The following ASIC2 variants were observed in gnomAD, a reference collection of about 807,000 sequenced individuals.
The protein encoded by ASIC2 is acid-sensing ion channel 2.
In ASIC2, 25 loss-of-function variants were observed where a neutral mutation model predicts 57.3. The observed-to-expected ratio is 0.44, with a 90% confidence interval of 0.32 to 0.61. ASIC2 has a LOEUF of 0.61. Among genes scored for constraint, ASIC2 ranks in the 20% least tolerant of loss-of-function variants. The pLI is 0.06. For synonymous variants in ASIC2, 319 were observed against 307.5 expected, an observed-to-expected ratio of 1.04 and a Z score of -0.39; for missense variants, 641 against 738.1, an observed-to-expected ratio of 0.87 and a Z score of 1.52.
intron 1 of ASIC2, among the ~76,000 whole-genome samples, chr17:33,689,444 A>G (rs1423590942): frequency 6.6e-6 from 1 of 152,146 alleles, no homozygotes; most frequent in Non-Finnish European, 1.5e-5. Flanking sequence ...CACCACCTCC[A>G]GTGGTGTCAA....
At chr17:33,067,138 T>A (rs530001667) in intron 3 of ASIC2, among the ~76,000 whole-genome samples, 1 of 124,340 alleles carries the variant, frequency 8.0e-6, no homozygotes, top group African/African-American at 2.6e-5. Context: ...CAAAATAGAG[T>A]TCTTGCAGAT....
intron 1 of ASIC2, among the ~76,000 whole-genome samples, chr17:33,557,687 T>TA (rs1352181665): frequency 6.6e-6 from 1 of 152,224 alleles, no homozygotes; most frequent in Non-Finnish European, 1.5e-5. Context: ...CGTCTGACTA[T>TA]ATGATAACAC....
intron 1 of ASIC2, among the ~76,000 whole-genome samples, chr17:33,827,110 A>G (rs1912945053): frequency 1.3e-5 from 2 of 152,142 alleles, no homozygotes; most frequent in African/African-American, 4.8e-5. Context: ...TACAGCCTTG[A>G]GAAGCTTACA....
chr17:33,320,804 C>T (rs1906839282), intron 1 of ASIC2, among the ~76,000 whole-genome samples: 1 of 152,188 alleles, frequency 6.6e-6, no homozygotes, highest in Non-Finnish European at 1.5e-5. Flanking sequence ...CCTATCCTGT[C>T]ACCCCAGGGA....
intron 1 of ASIC2, among the ~76,000 whole-genome samples, chr17:33,215,788 C>T (rs1458410428): frequency 6.6e-6 from 1 of 151,962 alleles, no homozygotes; most frequent in African/African-American, 2.4e-5. Context: ...CAGGCTCCGC[C>T]CCCCGGGTTC....
chr17:33,369,110 C>T (rs114096838), intron 1 of ASIC2, among the ~76,000 whole-genome samples: 27 of 152,174 alleles, frequency 1.8e-4, no homozygotes, highest in African/African-American at 5.8e-4. Flanking sequence ...CAAAAAGATC[C>T]CAGAAAACTA....
chr17:33,436,897 G>C (rs1911640103), intron 1 of ASIC2, among the ~76,000 whole-genome samples: 3 of 111,738 alleles, frequency 2.7e-5, no homozygotes. Flanking sequence ...ACGGAGTCTC[G>C]CTCTGTCGCC....
intron 1 of ASIC2, among the ~76,000 whole-genome samples, chr17:33,757,153 G>A (rs1196772259): frequency 6.6e-6 from 1 of 152,146 alleles, no homozygotes; most frequent in Non-Finnish European, 1.5e-5. Flanking sequence ...AATCCTTCCT[G>A]CCCTTCTCTT....
intron 1 of ASIC2, among the ~76,000 whole-genome samples, chr17:33,481,955 C>T (rs1021316139): frequency 6.6e-6 from 1 of 152,222 alleles, no homozygotes; most frequent in African/African-American, 2.4e-5. Context: ...CCGATAGCAC[C>T]TGTCCTCTTA....
At chr17:33,412,775 C>G (rs1040476304) in intron 1 of ASIC2, among the ~76,000 whole-genome samples, 1 of 152,066 alleles carries the variant, frequency 6.6e-6, no homozygotes. Flanking sequence ...CGTTGGTGCC[C>G]TATGATAGGT....
chr17:33,102,974 A>G (rs12453934), intron 2 of ASIC2, among the ~76,000 whole-genome samples: 22,733 of 152,032 alleles, frequency 0.15, 2,032 homozygotes, highest in African/African-American at 0.25. Context: ...CAGTAGAGAC[A>G]GGGTTTCACC....
intron 1 of ASIC2, among the ~76,000 whole-genome samples, chr17:33,770,635 T>C (rs1279516822): frequency 2.0e-5 from 3 of 152,180 alleles, no homozygotes; most frequent in Non-Finnish European, 4.4e-5. Context: ...GCCAGCTGCC[T>C]CTTGAACAGG....
chr17:33,168,097 T>C (rs951966803), intron 1 of ASIC2, among the ~76,000 whole-genome samples: 1 of 152,250 alleles, frequency 6.6e-6, no homozygotes, highest in Non-Finnish European at 1.5e-5. Flanking sequence ...TCTTTCTCTG[T>C]CTCACATGCC....
intron 1 of ASIC2, among the ~76,000 whole-genome samples, chr17:33,722,594 C>T (rs1329532631): frequency 6.9e-6 from 1 of 145,104 alleles, no homozygotes; most frequent in Non-Finnish European, 1.5e-5. Flanking sequence ...AAGAGCCTCT[C>T]TCTACAAAAA....
At chr17:33,603,106 T>A (rs1402856769) in intron 1 of ASIC2, among the ~76,000 whole-genome samples, 3 of 152,252 alleles carry the variant, frequency 2.0e-5, no homozygotes, top group Non-Finnish European at 4.4e-5. Flanking sequence ...CATGCTTTTC[T>A]CAGCCCTCCA....
At chr17:33,405,487 C>T (rs377451866) in intron 1 of ASIC2, among the ~76,000 whole-genome samples, 4 of 135,298 alleles carry the variant, frequency 3.0e-5, no homozygotes, top group Non-Finnish European at 3.1e-5. Context: ...TTTTTTCTTT[C>T]TTTTTTTTTT....
At chr17:34,094,658 C>G (rs1177308730) in intron 1 of ASIC2, among the ~76,000 whole-genome samples, 1 of 152,216 alleles carries the variant, frequency 6.6e-6, no homozygotes, top group Non-Finnish European at 1.5e-5. Context: ...TCTAGCTCAA[C>G]CTTGCAAATT....
intron 1 of ASIC2, among the ~76,000 whole-genome samples, chr17:33,351,852 A>G (rs1327285808): frequency 1.3e-5 from 2 of 152,128 alleles, no homozygotes; most frequent in African/African-American, 4.8e-5. Context: ...TGTGGCATGG[A>G]GTGCTGGGGG....
chr17:33,172,522 G>A (rs528280995), intron 1 of ASIC2, among the ~76,000 whole-genome samples: 1 of 152,312 alleles, frequency 6.6e-6, no homozygotes, highest in African/African-American at 2.4e-5. Context: ...TACCCCCTAG[G>A]AGACAAGAAC....
Sources: allele counts gnomAD v4.1 joint callset (sites outside exome capture counted in the v4.1 genomes callset), GRCh38; gene constraint gnomAD v4.1.1; transcripts MANE v1.5; gene names NCBI Gene and HGNC (gene_info 2026-07-23, HGNC 2026-07-21).